Variants in HHIP observed in about 807,000 individuals in gnomAD.
HHIP encodes the protein hedgehog interacting protein.
A neutral mutation model predicts 74.0 loss-of-function variants in HHIP; 12 were observed. The ratio of observed to expected loss-of-function variants is 0.16; its 90% CI spans 0.10 to 0.26. The LOEUF (loss-of-function observed/expected upper bound fraction) is 0.26, where lower values mean the gene tolerates loss of function less well. Among genes scored for constraint, HHIP ranks in the 10% least tolerant of loss-of-function variants. HHIP has a pLI of 1.00. For missense variants in HHIP, 788 were observed against 845.0 expected, an observed-to-expected ratio of 0.93 and a Z score of 0.84; for synonymous variants, 309 against 311.6, an observed-to-expected ratio of 0.99 and a Z score of 0.09.
In HHIP at chr4:144,659,739, T is replaced by G. The variant is rs536855031; in HGVS notation, c.732T>G (p.Ile244Met). ...GGGATGGCTCGCAACGTCTCTTCATTCTGGAAAAAGAAGGTTATGTGAAGA... is the reference window on the plus strand; with the variant it reads ...GGGATGGCTCGCAACGTCTCTTCATGCTGGAAAAAGAAGGTTATGTGAAGA... ...HSGDGSQRLF[I>M]LEKEGYVKIL... Residue 244 changes from isoleucine to methionine, a missense_variant, in exon 4 of 13, where the codon ATT becomes ATG. By Grantham distance (10) the Ile-to-Met change is conservative. Coordinates refer to ENST00000296575, the MANE Select transcript of HHIP (RefSeq NM_022475.3). 1 of 1,611,676 alleles carries G rather than the reference T, an allele frequency of 6.2e-7. No homozygotes were observed. The highest frequency in any genetic ancestry group is 1.3e-5 in the African/African-American group (1 of 74,884).
intron 7 of HHIP, among the ~76,000 whole-genome samples, chr4:144,708,740 A>C (rs1316688934): frequency 1.3e-5 from 2 of 152,222 alleles, no homozygotes; most frequent in East Asian, 3.8e-4. Flanking sequence ...GATTAAATAA[A>C]AATCTGTAAG....
At chr4:144,698,124 T>C (rs1729873069) in intron 4 of HHIP, among the ~76,000 whole-genome samples, 1 of 152,168 alleles carries the variant, frequency 6.6e-6, no homozygotes, top group African/African-American at 2.4e-5. Flanking sequence ...AGAGATTATA[T>C]ACCCCATGAG....
chr4:144,693,781 A>T (rs909793242), intron 4 of HHIP, among the ~76,000 whole-genome samples: 1 of 152,018 alleles, frequency 6.6e-6, no homozygotes, highest in African/African-American at 2.4e-5. Context: ...ATGGAATTAC[A>T]AAATTTTACA....
chr4:144,706,311 G>A (rs1323621206), intron 4 of HHIP, among the ~76,000 whole-genome samples: 1 of 152,156 alleles, frequency 6.6e-6, no homozygotes, highest in Admixed American at 6.5e-5. Context: ...CTTGTACATA[G>A]ATAACCACAC....
rs374939211 is a variant in HHIP at position 144,709,908 on chromosome 4, T to A, written c.1301+1597T>A. On this transcript the variant is annotated intron_variant, in intron 7 of 12. Coordinates refer to ENST00000296575, the MANE Select transcript of HHIP (RefSeq NM_022475.3). ...ATCCCCCATAGAGAAACATTTGTTATAGTTGATGAACTGACATTGACACGT... is the reference window on the plus strand; with the variant it reads ...ATCCCCCATAGAGAAACATTTGTTAAAGTTGATGAACTGACATTGACACGT... Among the ~76,000 whole-genome samples the A allele has an allele frequency of 1.3e-4, 20 of 152,364 alleles. No homozygotes were observed. In the South Asian group the frequency reaches 3.7e-3, roughly 28 times the overall value.
rs869028218 is a variant in HHIP at position 144,716,854 on chromosome 4, G to GAAA, written c.1678+1456_1678+1458dup. On this transcript the variant is annotated intron_variant, in intron 10 of 12. Coordinates refer to ENST00000296575, the MANE Select transcript of HHIP (RefSeq NM_022475.3). ...ACATGAGCAAAACTCCGTCTCAAAA[G>GAAA]AAAAAAAAAAAAAAAAAAAAAAAAA... 7.5e-3 allele frequency among the ~76,000 whole-genome samples: 410 copies of GAAA among 54,668 alleles called. 6 individuals are homozygous for GAAA. The highest frequency in any genetic ancestry group is 9.7e-3 in the Non-Finnish European group (286 of 29,364). The allele number at this position is 54,668 out of a possible 152,430, so 35.9% of individuals were successfully genotyped here.
At chr4:144,686,742 AAGG>A (rs1307118520) in intron 4 of HHIP, among the ~76,000 whole-genome samples, 1 of 152,216 alleles carries the variant, frequency 6.6e-6, no homozygotes, top group Non-Finnish European at 1.5e-5. Flanking sequence ...AAGTGGAAAG[AAGG>A]AGAAGAGAGA....
chr4:144,688,903 C>A (rs868332562), intron 4 of HHIP, among the ~76,000 whole-genome samples: 7 of 152,172 alleles, frequency 4.6e-5, no homozygotes, highest in African/African-American at 1.7e-4. Context: ...GTGCTTATTT[C>A]TTCAAGCTTG....
rs1025023323 is a variant in HHIP at position 144,742,097 on chromosome 4, A to G, written c.*4140A>G. The G allele has an allele frequency of 1.4e-4, 21 of 149,996 alleles. No individual in the cohort carries two copies. Among genetic ancestry groups the G allele is most frequent in the African/African-American group, 4.9e-4 (20 of 40,700 alleles). The allele number at this position is 149,996 out of a possible 1,614,324, so 9.3% of individuals were successfully genotyped here. A position where few individuals can be genotyped will look rare whatever the true frequency, so the allele number is the denominator to read the frequency against. ...CACACATACATACATACATACATAT[A>G]TTCTTTTTCCTTTTAACCACTTCCC... On this transcript the variant is annotated 3_prime_UTR_variant, in exon 13 of 13. Transcript: ENST00000296575.
chr4:144,678,246 T>A (rs1006950299), intron 4 of HHIP, among the ~76,000 whole-genome samples: 3 of 152,206 alleles, frequency 2.0e-5, no homozygotes, highest in African/African-American at 7.2e-5. Flanking sequence ...ATAGAGATTA[T>A]GAAACATCTA....
At chr4:144,697,654 A>C (rs1443946557) in intron 4 of HHIP, among the ~76,000 whole-genome samples, 1 of 152,130 alleles carries the variant, frequency 6.6e-6, no homozygotes, top group Non-Finnish European at 1.5e-5. Context: ...GGGAGGAAAT[A>C]GTAATATGAA....
At chr4:144,685,586 C>T (rs1234316042) in intron 4 of HHIP, 1 of 152,150 alleles carries the variant, frequency 6.6e-6, no homozygotes, top group Admixed American at 6.5e-5. Flanking sequence ...TTTTCTTGCT[C>T]TTGTACTTTC....
rs1731296772 is a variant in HHIP, at chr4:144,742,941, A to T, written c.*4984A>T. 1 of 120,124 alleles carries T rather than the reference A, an allele frequency of 8.3e-6. No individual in the cohort carries two copies. The highest frequency in any genetic ancestry group is 1.7e-5 in the Non-Finnish European group (1 of 59,036). The allele number at this position is 120,124 out of a possible 1,614,324, so 7.4% of individuals were successfully genotyped here. A position where few individuals can be genotyped will look rare whatever the true frequency, so the allele number is the denominator to read the frequency against. On this transcript the variant is annotated 3_prime_UTR_variant, in exon 13 of 13. Coordinates refer to ENST00000296575, the MANE Select transcript of HHIP (RefSeq NM_022475.3). ...ATATATATATCTTTATATATATCTT[A>T]TATATATATCTTATACATATAAGAT...
chr4:144,660,741 T>C (rs1206275057), intron 4 of HHIP, among the ~76,000 whole-genome samples: 5 of 152,206 alleles, frequency 3.3e-5, no homozygotes, highest in Non-Finnish European at 7.4e-5. Context: ...CTATTTCATT[T>C]TCTTATCGTG....
chr4:144,721,057 A>G (rs1437183111), intron 11 of HHIP, among the ~76,000 whole-genome samples: 2 of 152,184 alleles, frequency 1.3e-5, no homozygotes, highest in Non-Finnish European at 2.9e-5. Context: ...GTTTTGTTAT[A>G]CCAAAAATCA....
chr4:144,737,676 T>C (rs1731156525), intron 12 of HHIP, 88 bp from the exon 13 acceptor site: 3 of 1,174,048 alleles, frequency 2.6e-6, no homozygotes, highest in Non-Finnish European at 3.5e-6. Context: ...GCTTCCCTTA[T>C]TCAGCAAATA....
chr4:144,646,245 CG>C lies in HHIP; in HGVS notation c.-430del. 1 of 164,942 alleles carries C rather than the reference CG, an allele frequency of 6.1e-6. No individual in the cohort carries two copies. Among genetic ancestry groups the C allele is most frequent in the Non-Finnish European group, 1.3e-5 (1 of 76,776 alleles). 10.2% of individuals were successfully genotyped at this position (164,942 alleles called of 1,614,324 possible). On this transcript the variant is annotated 5_prime_UTR_variant, in exon 1 of 13. The change creates a premature stop within an existing upstream ORF in the 5' untranslated region. Transcript: ENST00000296575. ...GCGCTGGCCCTGCCTCCGCCTGCCCCGCCGCCGCCGTCGCCGTTTCTGTTCC... is the reference window on the plus strand; with the variant it reads ...GCGCTGGCCCTGCCTCCGCCTGCCCCCCGCCGCCGTCGCCGTTTCTGTTCC...
At chr4:144,667,244 A>G (rs1362178947) in intron 4 of HHIP, among the ~76,000 whole-genome samples, 4 of 152,138 alleles carry the variant, frequency 2.6e-5, no homozygotes, top group Non-Finnish European at 5.9e-5. Flanking sequence ...CAGCTACTCA[A>G]GAGGCTCAGC....
intron 11 of HHIP, 21 bp downstream of exon 11, chr4:144,718,977 A>T: frequency 7.1e-7 from 1 of 1,408,542 alleles, no homozygotes; most frequent in Non-Finnish European, 1.0e-6. Context: ...CTTTTATCCC[A>T]TTAAGTCAAG....
Sources: allele counts gnomAD v4.1 joint callset (sites outside exome capture counted in the v4.1 genomes callset), GRCh38; gene constraint gnomAD v4.1.1; transcripts MANE v1.5; gene names NCBI Gene and HGNC (gene_info 2026-07-23, HGNC 2026-07-21).